The following ZNF469 variants were observed in gnomAD, a reference collection of about 807,000 sequenced individuals.
The protein encoded by ZNF469 is zinc finger protein 469.
ZNF469 carries 1 observed loss-of-function variant against 1.0 expected under a neutral mutation model. The ratio of observed to expected loss-of-function variants is 1.00; its 90% CI spans 0.35 to 4.73. The LOEUF is 4.73. Ranked by LOEUF, ZNF469 falls within the 30% of genes most tolerant of loss-of-function variation. ZNF469 has a pLI of 0.16. For missense variants in ZNF469, 6,100 were observed against 5,356.3 expected, an observed-to-expected ratio of 1.14 and a Z score of -4.33; for synonymous variants, 2,703 against 2,363.4, an observed-to-expected ratio of 1.14 and a Z score of -4.17.
the ZNF469 span, among the ~76,000 whole-genome samples, chr16:88,166,772 A>AACACACACACACACACACACAC: frequency 2.3e-3 from 338 of 145,864 alleles, no homozygotes; most frequent in African/African-American, 8.1e-3. The surrounding 1 kb of genome is among the most constrained non-coding windows in gnomAD (Gnocchi z 4.5). Context: ...CAGAATCATA[A>AACACACACACACACACACACAC]ACACACACAC....
the ZNF469 span, among the ~76,000 whole-genome samples, chr16:88,239,703 ATATATATATATATTTTTTTT>A: frequency 4.7e-4 from 3 of 6,318 alleles, no homozygotes; most frequent in South Asian, 0.01. Context: ...ATATATATAT[ATATATATATATATTTTTTTT>A]TTTTTTTTTT....
rs1906595845 is a variant in ZNF469 at position 88,436,593 on chromosome 16, C to T, written c.9123C>T (p.Leu3041=). ...GLPGNTHLLP[L]RATDFEVLST... The stretch of plus-strand genomic sequence containing the variant: ...CCGGGAACACCCACCTGCTGCCGCT[C>T]CGTGCCACGGACTTTGAGGTGCTCA... Residue 3041 remains leucine, a synonymous_variant, in exon 3 of 3, where the codon CTC becomes CTT. Transcript: ENST00000565624. 1 of 1,550,220 alleles carries T rather than the reference C, an allele frequency of 6.5e-7. No individual in the cohort carries two copies. The highest frequency in any genetic ancestry group is 8.7e-7 in the Non-Finnish European group (1 of 1,146,964).
chr16:88,356,398 G>A, the ZNF469 span, among the ~76,000 whole-genome samples: 2 of 152,174 alleles, frequency 1.3e-5, no homozygotes, highest in Non-Finnish European at 2.9e-5. Context: ...AGGGCTCCAT[G>A]CAGGAGCCCC....
chr16:88,383,964 G>A (rs1057397224), intron 1 of ZNF469, among the ~76,000 whole-genome samples: 5 of 152,196 alleles, frequency 3.3e-5, no homozygotes, highest in Non-Finnish European at 7.4e-5. Flanking sequence ...GGGGCTCGGG[G>A]GACTCCCGCG....
chr16:88,201,082 G>A, the ZNF469 span, among the ~76,000 whole-genome samples: 4 of 152,194 alleles, frequency 2.6e-5, no homozygotes, highest in East Asian at 1.9e-4. This position sits in a 1 kb window ranked among gnomAD's most constrained non-coding sequence, Gnocchi z 5.0. Context: ...TCCTCACCCC[G>A]CAGGTCCCCA....
In ZNF469 at chr16:88,436,203, C is replaced by G. The variant is rs567512563; in HGVS notation, c.8733C>G (p.Asp2911Glu). ...PTLGPARLPT[D>E]LSDSSSLCLC... ...TGGGCCCAGCCCGCCTGCCCACGGA[C>G]CTCAGCGACTCCAGCTCCCTCTGCC... The change falls in exon 3 of 3, where the codon GAC becomes GAG. Residue 2911 changes from aspartate to glutamate, a missense_variant. By Grantham distance (45) the Asp-to-Glu change is conservative. Coordinates refer to ENST00000565624, the MANE Select transcript of ZNF469 (RefSeq NM_001367624.2). 3.9e-6 allele frequency: 6 copies of G among 1,548,366 alleles called. No individual in the cohort carries two copies. The highest frequency in any genetic ancestry group is 5.2e-6 in the Non-Finnish European group (6 of 1,146,856).
chr16:88,243,940 ATATATATATAT>A, the ZNF469 span, among the ~76,000 whole-genome samples: 1 of 115,264 alleles, frequency 8.7e-6, no homozygotes, highest in Admixed American at 9.2e-5. Flanking sequence ...ATATATATAT[ATATATATATAT>A]AAATGTATGT....
chr16:88,113,415 G>T, the ZNF469 span, among the ~76,000 whole-genome samples: 828 of 152,324 alleles, frequency 5.4e-3, 6 homozygotes, highest in Non-Finnish European at 8.8e-3. Context: ...CTGTAGGTGC[G>T]TGGGTAATGG....
At chr16:88,336,186 C>T in the ZNF469 span, among the ~76,000 whole-genome samples, 3 of 150,948 alleles carry the variant, frequency 2.0e-5, no homozygotes, top group African/African-American at 7.3e-5. Flanking sequence ...CACATTCATC[C>T]TTCACTTGAG....
At chr16:88,380,820 ACACACACACACGCAC>A (rs2092520700), upstream of ZNF469, among the ~76,000 whole-genome samples, 1 of 139,728 alleles carries the variant, frequency 7.2e-6, no homozygotes. Flanking sequence ...ACACCCAGAC[ACACACACACACGCAC>A]TCACACAGAC....
chr16:88,433,359 G>A lies in ZNF469; in HGVS notation c.5889G>A (p.Gln1963=), dbSNP rs773437968. ...CCCAGGGCTCCCCAGGGGGTGTGCA[G>A]GTGACAACTCTCCCTGCAGTGGCCG... ...GPAQGSPGGV[Q]VTTLPAVAGH... Residue 1963 remains glutamine (Q), a synonymous_variant, in exon 3 of 3, where the codon CAG becomes CAA. Transcript: ENST00000565624. The A allele has an allele frequency of 1.5e-5, 23 of 1,550,312 alleles. No homozygotes were observed. The South Asian group carries it at 2.4e-4, about 16-fold the overall frequency.
At chr16:88,367,399 C>T in the ZNF469 span, among the ~76,000 whole-genome samples, 9 of 152,334 alleles carry the variant, frequency 5.9e-5, no homozygotes, top group African/African-American at 1.9e-4. Context: ...CTGTGATTAG[C>T]ATGTGATGTG....
the ZNF469 span, among the ~76,000 whole-genome samples, chr16:88,118,223 G>A: frequency 6.6e-6 from 1 of 152,240 alleles, no homozygotes; most frequent in Admixed American, 6.5e-5. Context: ...GATTACAGGC[G>A]TGAACCACTG....
rs1368540263 is a variant in ZNF469, at chr16:88,437,298, C to A, written c.9828C>A (p.Arg3276=). The A allele has an allele frequency of 1.3e-6, 2 of 1,547,440 alleles. No homozygotes were observed. The highest frequency in any genetic ancestry group is 1.7e-6 in the Non-Finnish European group (2 of 1,145,416). ...SPGERAKPRA[R]STPSNPDGAA... is the part of the protein sequence containing the mutation. Reference sequence around the variant, plus strand: ...GCGAGAGGGCGAAACCCCGGGCACGCAGCACCCCCAGCAACCCAGACGGGG... The same window carrying A: ...GCGAGAGGGCGAAACCCCGGGCACGAAGCACCCCCAGCAACCCAGACGGGG... Residue 3276 remains arginine, a synonymous_variant, in exon 3 of 3, where the codon CGC becomes CGA. Coordinates refer to ENST00000565624, the MANE Select transcript of ZNF469 (RefSeq NM_001367624.2).
chr16:88,122,960 G>A, the ZNF469 span, among the ~76,000 whole-genome samples: 1 of 128,452 alleles, frequency 7.8e-6, no homozygotes, highest in Non-Finnish European at 1.6e-5. Flanking sequence ...CTCCAGAATA[G>A]CTGGGACTAC....
chr16:88,305,530 G>A, the ZNF469 span, among the ~76,000 whole-genome samples: 7 of 108,550 alleles, frequency 6.4e-5, no homozygotes, highest in South Asian at 3.4e-4. Context: ...GCACACACAC[G>A]CTCACAGGCA....
the ZNF469 span, among the ~76,000 whole-genome samples, chr16:88,126,283 C>T: frequency 1.3e-5 from 2 of 148,268 alleles, no homozygotes; most frequent in African/African-American, 5.0e-5. Context: ...TCCTCTCCTG[C>T]ATGCTTTTTA....
the ZNF469 span, among the ~76,000 whole-genome samples, chr16:88,316,501 A>T: frequency 3.4e-5 from 5 of 148,360 alleles, no homozygotes; most frequent in East Asian, 1.0e-3. Flanking sequence ...CTGCTCAGCC[A>T]GTGTGCGTCA....
chr16:88,366,961 C>A, the ZNF469 span, among the ~76,000 whole-genome samples: 4 of 152,104 alleles, frequency 2.6e-5, no homozygotes, highest in African/African-American at 9.7e-5. Context: ...CTAACATGAT[C>A]TCTGTCATTA....
Sources: gnomAD v4.1 joint callset for allele counts (sites outside exome capture counted in the v4.1 genomes callset) on GRCh38, gnomAD v4.1.1 for gene constraint, Gnocchi (gnomAD v3.1) non-coding constraint, MANE v1.5 for transcripts, NCBI Gene and HGNC (gene_info 2026-07-23, HGNC 2026-07-21) for gene names.